Variants in SYDE2 observed in about 807,000 individuals in gnomAD.
SYDE2 encodes synapse defective Rho GTPase homolog 2.
A neutral mutation model predicts 91.5 loss-of-function variants in SYDE2; 76 were observed. That is an observed-to-expected ratio of 0.83 (90% CI 0.69 to 1.01). The LOEUF (loss-of-function observed/expected upper bound fraction) is 1.01. Among genes scored for constraint, SYDE2 ranks in the 50% least tolerant of loss-of-function variants. The pLI, the probability that SYDE2 is intolerant of heterozygous loss-of-function variation, is 0.00. For synonymous variants in SYDE2, 513 were observed against 506.4 expected (o/e 1.01, Z -0.18); for missense variants, 1,364 against 1,367.7 (o/e 1.00, Z 0.04).
At chr1:85,164,150 CA>C (rs1657179379) in intron 6 of SYDE2, among the ~76,000 whole-genome samples, 1 of 152,184 alleles carries the variant, frequency 6.6e-6, no homozygotes, top group Non-Finnish European at 1.5e-5. Context: ...GAGCACATTA[CA>C]TACACAATTT....
At chr1:85,163,480 T>TATATATATAA (rs1216698478) in intron 6 of SYDE2, among the ~76,000 whole-genome samples, 84 of 134,602 alleles carry the variant, frequency 6.2e-4, no homozygotes, top group African/African-American at 2.3e-3. Context: ...TATATATATA[T>TATATATATAA]AACAAAAGAG....
At chr1:85,160,683 T>A (rs1657025797) in intron 6 of SYDE2, 1 of 985,426 alleles carries the variant, frequency 1.0e-6, no homozygotes, top group African/African-American at 1.7e-5. Context: ...GTGCTATTCC[T>A]TTTCTTTTTA....
At chr1:85,187,146 A>G (rs1253119366) in intron 2 of SYDE2, among the ~76,000 whole-genome samples, 1 of 152,190 alleles carries the variant, frequency 6.6e-6, no homozygotes, top group African/African-American at 2.4e-5. Context: ...CAGAATCTAC[A>G]ATGAACTCAA....
At position 85,159,066 on chromosome 1, in the gene SYDE2, C is replaced by T; in HGVS notation, c.3269G>A (p.Gly1090Glu). The change falls in exon 7 of 7, where the codon GGA (glycine) becomes GAA (glutamate). Residue 1090 changes from glycine to glutamate, a missense_variant. Physicochemically the swap from Gly to Glu is moderately conservative, Grantham distance 98 (BLOSUM62 -2). Transcript: ENST00000341460. ...LDSPLSNRYA[G>E]DWSSCGENYF... is the part of the protein sequence containing the mutation. ...GTTTTCCCCACAGCTGCTCCAGTCT[C>T]CTGCATAACGATTGCTAAGTGGACT... 1 of 780,896 alleles carries T rather than the reference C, an allele frequency of 1.3e-6. No individual in the cohort carries two copies. 48.4% of individuals were successfully genotyped at this position (780,896 alleles called of 1,614,324 possible).
chr1:85,164,700 T>G lies in SYDE2; in HGVS notation c.2911A>C (p.Asn971His). ...GCCAAATTCTGGCACGTCATCTTATTCACTTCATGATAGGAAGCCACCAAT... is the reference window on the plus strand; with the variant it reads ...GCCAAATTCTGGCACGTCATCTTATGCACTTCATGATAGGAAGCCACCAAT... ...LKLVASYHEV[N>H]KMTCQNLAVC... The change falls in exon 6 of 7, where the codon AAT becomes CAT. Residue 971 changes from asparagine (N) to histidine (H), a missense_variant. Coordinates refer to ENST00000341460, the MANE Select transcript of SYDE2 (RefSeq NM_032184.2). 1 of 1,519,494 alleles carries G rather than the reference T, an allele frequency of 6.6e-7. No individual in the cohort carries two copies. Among genetic ancestry groups the G allele is most frequent in the Non-Finnish European group, 8.8e-7 (1 of 1,134,520 alleles). 94.1% of individuals were successfully genotyped at this position (1,519,494 alleles called of 1,614,324 possible).
chr1:85,163,874 T>G (rs1296192389), intron 6 of SYDE2, among the ~76,000 whole-genome samples: 1 of 152,152 alleles, frequency 6.6e-6, no homozygotes, highest in African/African-American at 2.4e-5. Context: ...AACTCTGAAA[T>G]TACATCAGAG....
chr1:85,177,416 A>G (rs1229950691), intron 4 of SYDE2, among the ~76,000 whole-genome samples: 1 of 152,186 alleles, frequency 6.6e-6, no homozygotes, highest in East Asian at 1.9e-4. Flanking sequence ...TTCAAATTCT[A>G]TATATCCAAA....
Position 85,200,808 on chromosome 1 carries a change from C to A in SYDE2, c.189G>T (p.Arg63=). 1 of 1,462,304 alleles carries A rather than the reference C, an allele frequency of 6.8e-7. No individual in the cohort carries two copies. The highest frequency in any genetic ancestry group is 9.0e-7 in the Non-Finnish European group (1 of 1,114,986). 90.6% of individuals were successfully genotyped at this position (1,462,304 alleles called of 1,614,324 possible). Residue 63 remains arginine, a synonymous_variant, in exon 1 of 7, where the codon CGG becomes CGT. Transcript: ENST00000341460. ...CTCCCCGCGGCTCCCTCTGAGGCGACCGGGGCGGGGACACCTGCTGCCGAG... is the reference window on the plus strand; with the variant it reads ...CTCCCCGCGGCTCCCTCTGAGGCGAACGGGGCGGGGACACCTGCTGCCGAG... ...GRPRQQVSPP[R]SPQREPRGGQ... is the part of the protein sequence containing the mutation.
At chr1:85,178,106 C>A (rs1657773847) in intron 4 of SYDE2, 40 bp downstream of exon 4, 1 of 1,469,656 alleles carries the variant, frequency 6.8e-7, no homozygotes, top group Non-Finnish European at 9.2e-7. Context: ...CAGATGTAGT[C>A]TTTCCAGAAA....
At chr1:85,189,937 A>G (rs902578248) in intron 2 of SYDE2, 120 bp downstream of exon 2, 2 of 796,720 alleles carry the variant, frequency 2.5e-6, no homozygotes, top group Admixed American at 2.9e-5. Context: ...ATGAAAATAT[A>G]TTCACTTCAC....
At chr1:85,188,203 C>T (rs1413528176) in intron 2 of SYDE2, among the ~76,000 whole-genome samples, 2 of 152,114 alleles carry the variant, frequency 1.3e-5, no homozygotes, top group African/African-American at 2.4e-5. Flanking sequence ...TCACAATCTG[C>T]ATTCCAAATT....
intron 4 of SYDE2, among the ~76,000 whole-genome samples, chr1:85,172,203 G>A (rs1283880567): frequency 6.6e-6 from 1 of 152,180 alleles, no homozygotes; most frequent in Admixed American, 6.5e-5. Flanking sequence ...GATAGGCTGG[G>A]TCACAAGAAG....
intron 2 of SYDE2, 86 bp from the exon 3 acceptor site, chr1:85,183,286 G>T: frequency 8.0e-7 from 1 of 1,247,834 alleles, no homozygotes; most frequent in Non-Finnish European, 1.1e-6. Context: ...AACTAAACAG[G>T]CTTTCACATA....
chr1:85,193,508 A>G (rs1369819621), intron 1 of SYDE2, among the ~76,000 whole-genome samples: 1 of 152,206 alleles, frequency 6.6e-6, no homozygotes, highest in African/African-American at 2.4e-5. Flanking sequence ...GTCTTTGAAC[A>G]TGTTTCTACT....
chr1:85,178,008 A>G, intron 4 of SYDE2, 138 bp downstream of exon 4: 1 of 754,922 alleles, frequency 1.3e-6, no homozygotes, highest in South Asian at 1.9e-5. Context: ...AAAATAACAC[A>G]GTAAGTAATG....
intron 4 of SYDE2, among the ~76,000 whole-genome samples, chr1:85,173,269 T>C (rs1319349632): frequency 6.6e-6 from 1 of 151,854 alleles, no homozygotes; most frequent in African/African-American, 2.4e-5. Context: ...GATAGAGTAT[T>C]GGAGTTATGC....
chr1:85,182,151 C>T lies in SYDE2; in HGVS notation c.2491G>A (p.Val831Met). Reference protein sequence around the residue: ...VVEKENIGLMVPLLIQKCIME... With the variant: ...VVEKENIGLMMPLLIQKCIME... ...ATACATTTCTGTATCAGAAGGGGCA[C>T]CATCAGTCCTATATTTTCTTTCTCT... The change falls in exon 3 of 7, where the codon GTG becomes ATG. Residue 831 changes from valine to methionine, a missense_variant. Coordinates refer to ENST00000341460, the MANE Select transcript of SYDE2 (RefSeq NM_032184.2). 8 of 1,604,128 alleles carry T rather than the reference C, an allele frequency of 5.0e-6. No individual in the cohort carries two copies. The highest frequency in any genetic ancestry group is 6.8e-6 in the Non-Finnish European group (8 of 1,175,144).
chr1:85,168,115 C>CAA (rs147196368), intron 5 of SYDE2, among the ~76,000 whole-genome samples: 57 of 128,518 alleles, frequency 4.4e-4, no homozygotes, highest in Middle Eastern at 4.1e-3. Flanking sequence ...ACTCCTTCTT[C>CAA]AAAAAAAAAA....
At chr1:85,154,838 T>G (rs1385650640), downstream of SYDE2, among the ~76,000 whole-genome samples, 2 of 151,688 alleles carry the variant, frequency 1.3e-5, no homozygotes, top group Admixed American at 6.6e-5. Context: ...AAAATGAGTT[T>G]GAACATAGAA....
Sources: gnomAD v4.1 joint callset for allele counts (sites outside exome capture counted in the v4.1 genomes callset) on GRCh38, gnomAD v4.1.1 for gene constraint, MANE v1.5 for transcripts, NCBI Gene and HGNC (gene_info 2026-07-23, HGNC 2026-07-21) for gene names.